The following ITGA7 variants were observed in gnomAD, a reference collection of about 807,000 sequenced individuals.
ITGA7 encodes integrin subunit alpha 7, also known as integrin alpha-7.
In ITGA7, 84 loss-of-function variants were observed where a neutral mutation model predicts 131.6. The observed-to-expected ratio is 0.64, with a 90% CI of 0.54 to 0.77. The LOEUF is 0.77. Ranked by LOEUF, ITGA7 falls within the 30% of genes least tolerant of loss-of-function variation. ITGA7 has a pLI of 0.00. For missense variants in ITGA7, 1,399 were observed against 1,482.9 expected (o/e 0.94, Z 0.93); for synonymous variants, 548 against 600.7 (o/e 0.91, Z 1.28).
intron 3 of ITGA7, 183 bp downstream of exon 3, chr12:55,702,689 C>T (rs973174838): frequency 7.7e-6 from 5 of 646,978 alleles, no homozygotes; most frequent in East Asian, 2.7e-5. Context: ...AATGGACAGA[C>T]ATTTTTACAT....
At chr12:55,691,686 G>C (rs1409101746) in intron 21 of ITGA7, among the ~76,000 whole-genome samples, 1 of 152,168 alleles carries the variant, frequency 6.6e-6, no homozygotes, top group Non-Finnish European at 1.5e-5. Flanking sequence ...CCTCTCAGAG[G>C]AAATCGGTCA....
intron 3 of ITGA7, among the ~76,000 whole-genome samples, chr12:55,702,079 G>A (rs1010238857): frequency 3.3e-5 from 5 of 152,050 alleles, no homozygotes; most frequent in African/African-American, 9.7e-5. Flanking sequence ...ACAATGGTGC[G>A]ATCTCAGCTC....
chr12:55,696,324 G>C lies in ITGA7; in HGVS notation c.1846C>G (p.Pro616Ala), dbSNP rs773870821. ...CTGGGCTGGTGGGCATTGAGGATGG[G>C]GGCCACTGGAGGCAGCCCCTGGCCA... ...APGQGLPPVA[P>A]ILNAHQPSTQ... Residue 616 changes from proline (P) to alanine (A), a missense_variant, in exon 13 of 25, where the codon CCC becomes GCC. Physicochemically the swap from Pro to Ala is conservative, Grantham distance 27 (BLOSUM62 -1). Transcript: ENST00000257879. 19 of 1,582,438 alleles carry C rather than the reference G, an allele frequency of 1.2e-5. No individual in the cohort carries two copies. Among genetic ancestry groups the C allele is most frequent in the Non-Finnish European group, 1.6e-5 (19 of 1,163,330 alleles).
intron 24 of ITGA7, among the ~76,000 whole-genome samples, chr12:55,686,848 T>C (rs747505595): frequency 4.6e-5 from 7 of 152,218 alleles, no homozygotes; most frequent in South Asian, 4.1e-4. Context: ...TCCGTGCTTG[T>C]TGGCCTTCTT....
At chr12:55,712,646 A>G (rs1256153533), upstream of ITGA7, among the ~76,000 whole-genome samples, 5 of 152,250 alleles carry the variant, frequency 3.3e-5, no homozygotes, top group Non-Finnish European at 5.9e-5. Flanking sequence ...TTCAAGAGTC[A>G]TTCTCCAGAT....
intron 21 of ITGA7, among the ~76,000 whole-genome samples, 173 bp downstream of exon 21, chr12:55,692,671 G>A (rs1871694241): frequency 6.6e-6 from 1 of 152,184 alleles, no homozygotes; most frequent in Non-Finnish European, 1.5e-5. Context: ...CAGGGGCTGA[G>A]CAGGAAGGGG....
At chr12:55,701,529 T>C in intron 3 of ITGA7, 1 of 967,208 alleles carries the variant, frequency 1.0e-6, no homozygotes, top group Non-Finnish European at 1.6e-6. Flanking sequence ...CCTTTGTAAG[T>C]GTCACCATCT....
chr12:55,715,995 C>G, upstream of ITGA7: 1 of 1,486,954 alleles, frequency 6.7e-7, no homozygotes, highest in Non-Finnish European at 8.9e-7. Context: ...CCAAGATCTT[C>G]ACCCAAGGTC....
chr12:55,695,320 T>C (rs1457589414), intron 14 of ITGA7: 44 of 606,070 alleles, frequency 7.3e-5, no homozygotes, highest in Non-Finnish European at 1.0e-4. Flanking sequence ...CTGTGAAGGA[T>C]TGCTATTCCT....
intron 13 of ITGA7, among the ~76,000 whole-genome samples, chr12:55,695,940 C>T (rs1872542005): frequency 6.6e-6 from 1 of 152,050 alleles, no homozygotes; most frequent in Non-Finnish European, 1.5e-5. Flanking sequence ...GAAAAGATGT[C>T]AAGGGCACCA....
chr12:55,706,581 T>C (rs1385388172), intron 1 of ITGA7, among the ~76,000 whole-genome samples: 1 of 152,074 alleles, frequency 6.6e-6, no homozygotes, highest in Non-Finnish European at 1.5e-5. Context: ...CTTTTTACAA[T>C]CAGACATGTA....
At chr12:55,685,460 G>A (rs1315515301) in intron 24 of ITGA7, among the ~76,000 whole-genome samples, 172 bp from the exon 25 acceptor site, 1 of 152,172 alleles carries the variant, frequency 6.6e-6, no homozygotes, top group African/African-American at 2.4e-5. Context: ...CATCAGTGCT[G>A]TGTCCCCAGG....
In ITGA7 at chr12:55,700,719, G is replaced by A. The variant is rs561795965; in HGVS notation, c.670+180C>T. ...TTGAGGAACACTTGGCCGTGCGAGG[G>A]AAAGGAGGCACCCCCCATTCATGTG... On this transcript the variant is annotated intron_variant, in intron 4 of 24. Coordinates refer to ENST00000257879, the MANE Select transcript of ITGA7 (RefSeq NM_002206.3). 5 of 815,578 alleles carry A rather than the reference G, an allele frequency of 6.1e-6. No homozygotes were observed. In the Admixed American group the frequency reaches 1.0e-4, roughly 17 times the overall value. 50.5% of individuals were successfully genotyped at this position (815,578 alleles called of 1,614,324 possible).
chr12:55,685,058 C>T lies in ITGA7; in HGVS notation c.3414G>A (p.Ter1138=). 6.3e-7 allele frequency: 1 copy of T among 1,578,322 alleles called. No homozygotes were observed. The highest frequency in any genetic ancestry group is 8.6e-7 in the Non-Finnish European group (1 of 1,165,704). Residue 1138 remains the stop codon, a stop_retained_variant, in exon 25 of 25, where the codon TAG becomes TAA. Transcript: ENST00000257879. ...ACAGGCCAGGCTGGGACATGGGAAC[C>T]TAGGCGGTGCCTGGCCCTGGATGCC... ...PDGHPGPGTA[*] is the part of the protein sequence containing the mutation.
intron 5 of ITGA7, 35 bp from the exon 6 acceptor site, chr12:55,698,952 C>G (rs1873318813): frequency 6.4e-7 from 1 of 1,559,292 alleles, no homozygotes; most frequent in Non-Finnish European, 8.7e-7. Context: ...AAGTCTTCAC[C>G]CCAAGACTCA....
At chr12:55,701,238 CA>C in intron 3 of ITGA7, 84 bp from the exon 4 acceptor site, 1 of 1,604,362 alleles carries the variant, frequency 6.2e-7, no homozygotes, top group Non-Finnish European at 8.5e-7. Flanking sequence ...AGAGATTTGG[CA>C]GATACTGATA....
At chr12:55,688,743 G>T in intron 22 of ITGA7, 101 bp downstream of exon 22, 1 of 889,626 alleles carries the variant, frequency 1.1e-6, no homozygotes, top group Non-Finnish European at 1.9e-6. Context: ...AAAAGGGGGG[G>T]GATGCTGCAT....
At position 55,698,412 on chromosome 12, in the gene ITGA7, A is replaced by G; in HGVS notation, c.1163T>C (p.Leu388Pro). The G allele has an allele frequency of 6.2e-7, 1 of 1,613,580 alleles. No individual in the cohort carries two copies. The highest frequency in any genetic ancestry group is 2.2e-5 in the East Asian group (1 of 44,852). The part of the protein sequence containing the change: ...DSMFGISLAV[L>P]GDLNQDGFPD... ...AAAGCCATCTTGGTTGAGGTCCCCC[A>G]GGACAGCCAGGCTGATCCCGAACAT... Residue 388 changes from leucine (L) to proline (P), a missense_variant, in exon 7 of 25, where the codon CTG (leucine) becomes CCG (proline). Coordinates refer to ENST00000257879, the MANE Select transcript of ITGA7 (RefSeq NM_002206.3).
At position 55,705,844 on chromosome 12, in the gene ITGA7, T is replaced by A. The variant is rs931510492; in HGVS notation, c.206+1633A>T. 2.5e-4 allele frequency among the ~76,000 whole-genome samples: 38 copies of A among 152,236 alleles called. 1 individual carries two copies. Among genetic ancestry groups the A allele is most frequent in the Admixed American group, 2.0e-4 (3 of 15,286 alleles). On this transcript the variant is annotated intron_variant, in intron 1 of 24. Coordinates refer to ENST00000257879, the MANE Select transcript of ITGA7 (RefSeq NM_002206.3). ...GCAAAGGTTAGACCTTAAAGTCTCA[T>A]CCCAGAGCTAGACTAAAAGACATCA...
Sources: gnomAD v4.1 joint callset for allele counts (sites outside exome capture counted in the v4.1 genomes callset) on GRCh38, gnomAD v4.1.1 for gene constraint, MANE v1.5 for transcripts, NCBI Gene and HGNC (gene_info 2026-07-23, HGNC 2026-07-21) for gene names.